Variants in CDH7 observed in about 807,000 individuals in gnomAD.
CDH7 encodes cadherin-7.
Under a neutral mutation model 71.8 loss-of-function variants are expected in CDH7, and 25 were observed. That is an observed-to-expected ratio of 0.35 (90% CI 0.25 to 0.49). The LOEUF (loss-of-function observed/expected upper bound fraction) is 0.49. Ranked by LOEUF, CDH7 falls within the 20% of genes least tolerant of loss-of-function variation. CDH7 has a pLI of 0.99. For missense variants in CDH7, 862 were observed against 974.6 expected (o/e 0.88, Z 1.54); for synonymous variants, 381 against 363.8 (o/e 1.05, Z -0.54).
chr18:65,883,524 A>C lies in CDH7; in HGVS notation c.*2630A>C, dbSNP rs551354303. 1 of 152,180 alleles carries C rather than the reference A, an allele frequency of 6.6e-6. No individual in the cohort carries two copies. The highest frequency in any genetic ancestry group is 1.5e-5 in the Non-Finnish European group (1 of 67,932). The allele number at this position is 152,180 out of a possible 1,614,324, so 9.4% of individuals were successfully genotyped here. ...TGATTTAAATAAATATATATTATCA[A>C]GTTGCTTAAATTCAGTATTATACTG... On this transcript the variant is annotated 3_prime_UTR_variant, in exon 12 of 12. Transcript: ENST00000397968.
chr18:65,832,024 T>C (rs1275459313), intron 6 of CDH7, among the ~76,000 whole-genome samples: 2 of 152,150 alleles, frequency 1.3e-5, no homozygotes, highest in Non-Finnish European at 2.9e-5. Context: ...GTATTTGTTC[T>C]GGTGGTTCTG....
chr18:65,871,269 G>GGCCTTTACAAATAGA (rs1332042036), intron 11 of CDH7, among the ~76,000 whole-genome samples: 3 of 152,158 alleles, frequency 2.0e-5, no homozygotes, highest in Admixed American at 6.6e-5. Context: ...ACTGTGGGTA[G>GGCCTTTACAAATAGA]CACTACTTAA....
At chr18:65,821,143 AC>A (rs1297232299) in intron 4 of CDH7, among the ~76,000 whole-genome samples, 4 of 44,148 alleles carry the variant, frequency 9.1e-5, no homozygotes, top group African/African-American at 1.7e-4. Context: ...AAAAAAAAAA[AC>A]AAGAAAAGAA....
chr18:65,766,865 C>T (rs944978342), intron 2 of CDH7, among the ~76,000 whole-genome samples: 11 of 128,860 alleles, frequency 8.5e-5, no homozygotes, highest in Non-Finnish European at 1.1e-4. Context: ...ACTCACTTAA[C>T]GTCCTGTAAC....
chr18:65,828,371 G>C (rs1311435915), intron 6 of CDH7, among the ~76,000 whole-genome samples: 1 of 152,000 alleles, frequency 6.6e-6, no homozygotes, highest in African/African-American at 2.4e-5. Context: ...TAAAAACCAT[G>C]AGTTTTAACT....
intron 10 of CDH7, among the ~76,000 whole-genome samples, 179 bp downstream of exon 10, chr18:65,860,004 A>G (rs956843740): frequency 6.6e-6 from 1 of 152,190 alleles, no homozygotes; most frequent in Non-Finnish European, 1.5e-5. Context: ...AAAAGCTGCT[A>G]TTTAAATTTT....
intron 2 of CDH7, among the ~76,000 whole-genome samples, chr18:65,776,401 C>CACACACACACACAGAG (rs1370490839): frequency 1.6e-5 from 2 of 124,770 alleles, no homozygotes; most frequent in African/African-American, 6.8e-5. Context: ...CACACACACA[C>CACACACACACACAGAG]AGAGAGAGAG....
intron 6 of CDH7, among the ~76,000 whole-genome samples, chr18:65,832,942 G>A (rs1384215410): frequency 6.6e-6 from 1 of 151,964 alleles, no homozygotes; most frequent in Non-Finnish European, 1.5e-5. Context: ...AAAAAAATGA[G>A]CATTTTCAAA....
chr18:65,862,744 T>C lies in CDH7; in HGVS notation c.1691T>C (p.Ile564Thr), dbSNP rs368902430. The change falls in exon 11 of 12, where the codon ATT (isoleucine) becomes ACT (threonine). Residue 564 changes from isoleucine to threonine, a missense_variant. By Grantham distance (89) the Ile-to-Thr change is moderately conservative. Coordinates refer to ENST00000397968, the MANE Select transcript of CDH7 (RefSeq NM_004361.5). ...EQSVYYLPIF[I>T]VDSGSPSLSS... Reference sequence around the variant, plus strand: ...TCAGTTTACTATCTGCCAATTTTCATTGTGGACAGTGGATCTCCCTCACTT... The same window carrying C: ...TCAGTTTACTATCTGCCAATTTTCACTGTGGACAGTGGATCTCCCTCACTT... 3.8e-5 allele frequency: 61 copies of C among 1,614,014 alleles called. No homozygotes were observed. The highest frequency in any genetic ancestry group is 4.7e-5 in the Non-Finnish European group (55 of 1,179,990).
At chr18:65,832,604 AGCAAT>A (rs1282601199) in intron 6 of CDH7, among the ~76,000 whole-genome samples, 2 of 152,048 alleles carry the variant, frequency 1.3e-5, no homozygotes, top group African/African-American at 4.8e-5. Context: ...AAACAGTTAA[AGCAAT>A]GCAAATGCTA....
chr18:65,788,539 T>C (rs1910593651), intron 2 of CDH7, among the ~76,000 whole-genome samples: 1 of 152,170 alleles, frequency 6.6e-6, no homozygotes, highest in Non-Finnish European at 1.5e-5. Context: ...GGTATGTTTA[T>C]AGATAATCAC....
rs145807331 is a variant in CDH7 at position 65,782,180 on chromosome 18, T to C, written c.210+19128T>C. ...TTTCTTTCTTCCTTTCTTTCTTTCTTTCTTTCTTGACAGAGTCTCACTCCG... is the reference window on the plus strand; with the variant it reads ...TTTCTTTCTTCCTTTCTTTCTTTCTCTCTTTCTTGACAGAGTCTCACTCCG... On this transcript the variant is annotated intron_variant, in intron 2 of 11. Transcript: ENST00000397968. Among the ~76,000 whole-genome samples, 648 of 138,606 alleles carry C rather than the reference T, an allele frequency of 4.7e-3. 72 individuals are homozygous for C. Among genetic ancestry groups the C allele is most frequent in the African/African-American group, 0.018 (607 of 32,908 alleles). The allele number at this position is 138,606 out of a possible 152,430, so 90.9% of individuals were successfully genotyped here. A position where few individuals can be genotyped will look rare whatever the true frequency, so the allele number is the denominator to read the frequency against.
intron 2 of CDH7, chr18:65,803,354 T>C (rs1911194588): frequency 2.0e-5 from 3 of 152,204 alleles, no homozygotes; most frequent in Admixed American, 6.5e-5. Flanking sequence ...TTTCTTTTCA[T>C]TTGTTACTTA....
chr18:65,814,341 C>T (rs777103650), intron 3 of CDH7, 144 bp from the exon 4 acceptor site: 10 of 797,764 alleles, frequency 1.3e-5, no homozygotes, highest in Non-Finnish European at 2.1e-5. Context: ...TAAAAAAATA[C>T]TGTATCCATT....
Position 65,873,628 on chromosome 18 carries a change from C to T in CDH7, c.1865-6773C>T, listed in dbSNP as rs886913907. 3.3e-5 allele frequency among the ~76,000 whole-genome samples: 5 copies of T among 152,170 alleles called. No homozygotes were observed. In the East Asian group the frequency reaches 9.7e-4, roughly 29 times the overall value. ...AGAGCATATCTCAATGAAGAATAGC[C>T]ATATTCCAAGTGCTCAATAGCCACA... On this transcript the variant is annotated intron_variant, in intron 11 of 11. Coordinates refer to ENST00000397968, the MANE Select transcript of CDH7 (RefSeq NM_004361.5).
intron 1 of CDH7, among the ~76,000 whole-genome samples, chr18:65,752,502 A>G (rs771022356): frequency 1.3e-5 from 2 of 152,248 alleles, no homozygotes; most frequent in Admixed American, 1.3e-4. Context: ...ACCAAGAATT[A>G]CTTCTTTCCT....
In CDH7 at chr18:65,824,790, G is replaced by A; in HGVS notation, c.940G>A (p.Val314Ile). The A allele has an allele frequency of 6.2e-7, 1 of 1,612,144 alleles. No individual in the cohort carries two copies. The highest frequency in any genetic ancestry group is 1.7e-4 in the Middle Eastern group (1 of 6,052). ...TGGTTTGGGCATTTTTAAGATTTCT[G>A]TTGACAAAGAAACCCAGGAAGGAAT... Reference protein sequence around the residue: ...GDGLGIFKISVDKETQEGIIT... With the variant: ...GDGLGIFKISIDKETQEGIIT... Residue 314 changes from valine (V) to isoleucine (I), a missense_variant, in exon 6 of 12, where the codon GTT becomes ATT. By Grantham distance (29) the Val-to-Ile change is conservative (BLOSUM62 3). Transcript: ENST00000397968.
At chr18:65,829,222 C>CCATTCTCCTGCCT (rs1378249731) in intron 6 of CDH7, among the ~76,000 whole-genome samples, 1 of 151,946 alleles carries the variant, frequency 6.6e-6, no homozygotes, top group Non-Finnish European at 1.5e-5. Flanking sequence ...CGGGTTCACG[C>CCATTCTCCTGCCT]CATTCTCCTG....
chr18:65,857,494 CT>C (rs889239112), intron 7 of CDH7, among the ~76,000 whole-genome samples: 1 of 151,480 alleles, frequency 6.6e-6, no homozygotes, highest in African/African-American at 2.4e-5. Context: ...CAGCAAGACC[CT>C]GTATCAAAAA....
Sources: gnomAD v4.1 joint callset for allele counts (sites outside exome capture counted in the v4.1 genomes callset) on GRCh38, gnomAD v4.1.1 for gene constraint, MANE v1.5 for transcripts, NCBI Gene and HGNC (gene_info 2026-07-23, HGNC 2026-07-21) for gene names.